Variants in KCTD5 observed in about 807,000 individuals in gnomAD.
The protein encoded by KCTD5 is BTB/POZ domain-containing protein KCTD5.
A neutral mutation model predicts 27.9 loss-of-function variants in KCTD5; 12 were observed. The observed-to-expected ratio is 0.43, with a 90% CI of 0.28 to 0.70. The LOEUF (loss-of-function observed/expected upper bound fraction) is 0.70, where lower values mean the gene tolerates loss of function less well. KCTD5 is among the 30% of genes least tolerant of loss of function. The pLI is 0.19. For missense variants in KCTD5, 226 were observed against 274.8 expected, an observed-to-expected ratio of 0.82 and a Z score of 1.26; for synonymous variants, 147 against 121.4, an observed-to-expected ratio of 1.21 and a Z score of -1.39.
Position 2,697,953 on chromosome 16 carries a change from C to G in KCTD5, c.409C>G (p.Leu137Val). The stretch of plus-strand genomic sequence containing the variant: ...TTACAATATCACCTCATTAATAAAA[C>G]TTGTAAAGGACAAAATTAGAGAACG... ...EFYNITSLIK[L>V]VKDKIRERDS... The change falls in exon 3 of 6, where the codon CTT becomes GTT. Residue 137 changes from leucine to valine, a missense_variant. Around this residue, in one of 2 missense-constraint regions of KCTD5, gnomAD observed 135 missense variants for 207.0 expected, o/e 0.65. Coordinates refer to ENST00000301738, the MANE Select transcript of KCTD5 (RefSeq NM_018992.4). 6.2e-7 allele frequency: 1 copy of G among 1,612,052 alleles called. No homozygotes were observed. Among genetic ancestry groups the G allele is most frequent in the South Asian group, 1.1e-5 (1 of 91,028 alleles).
chr16:2,706,102 C>T (rs750068797), intron 5 of KCTD5, among the ~76,000 whole-genome samples: 7 of 152,190 alleles, frequency 4.6e-5, no homozygotes, highest in African/African-American at 7.2e-5. Context: ...TGGGCTCCTC[C>T]GAGGCACTGG....
Position 2,708,789 on chromosome 16 carries a change from G to A in KCTD5, c.*1462G>A, listed in dbSNP as rs1175042417. 1 of 152,164 alleles carries A rather than the reference G, an allele frequency of 6.6e-6. No homozygotes were observed. Among genetic ancestry groups the A allele is most frequent in the Non-Finnish European group, 1.5e-5 (1 of 68,026 alleles). 9.4% of individuals were successfully genotyped at this position (152,164 alleles called of 1,614,324 possible). Reference sequence around the variant, plus strand: ...GAGCCTGGGAGGAAGGCGGCCGCTGGGGCTCCTGGGCATCCTCTCTGGGGA... The same window carrying A: ...GAGCCTGGGAGGAAGGCGGCCGCTGAGGCTCCTGGGCATCCTCTCTGGGGA... On this transcript the variant is annotated 3_prime_UTR_variant, in exon 6 of 6. Coordinates refer to ENST00000301738, the MANE Select transcript of KCTD5 (RefSeq NM_018992.4).
chr16:2,689,634 G>A (rs1220699861), intron 1 of KCTD5, among the ~76,000 whole-genome samples: 2 of 151,240 alleles, frequency 1.3e-5, no homozygotes, highest in South Asian at 4.2e-4. Flanking sequence ...AGAATCTGGC[G>A]TGAGAGCCTG....
At chr16:2,698,698 T>C (rs3112726) in intron 3 of KCTD5, among the ~76,000 whole-genome samples, 68,933 of 151,128 alleles carry the variant, frequency 0.46, 16,762 homozygotes, top group Middle Eastern at 0.56. Context: ...CGTAGAGCCC[T>C]GGGCCCTGTG....
chr16:2,702,993 C>T (rs2067619505), intron 5 of KCTD5, among the ~76,000 whole-genome samples: 1 of 144,778 alleles, frequency 6.9e-6, no homozygotes, highest in South Asian at 2.1e-4. Flanking sequence ...GTCCTGCAGG[C>T]CCTGGGATTC....
At chr16:2,702,135 AG>A (rs1181384015) in intron 4 of KCTD5, among the ~76,000 whole-genome samples, 4 of 152,176 alleles carry the variant, frequency 2.6e-5, no homozygotes, top group Admixed American at 1.3e-4. Flanking sequence ...GGGTCCTCAC[AG>A]AGGAAGAGCT....
intron 1 of KCTD5, among the ~76,000 whole-genome samples, chr16:2,688,237 ATATATATATT>A (rs200090619): frequency 0.14 from 17,025 of 120,520 alleles, 1,228 homozygotes; most frequent in Middle Eastern, 0.23. Flanking sequence ...AAATATATAT[ATATATATATT>A]TATTTATTTA....
chr16:2,688,283 CTCT>C (rs1432446404), intron 1 of KCTD5, among the ~76,000 whole-genome samples: 1 of 149,970 alleles, frequency 6.7e-6, no homozygotes, highest in Non-Finnish European at 1.5e-5. Context: ...CGGAGTCTTG[CTCT>C]GTCCCCCAGG....
chr16:2,684,277 C>A (rs1436204235), intron 1 of KCTD5: 1 of 152,070 alleles, frequency 6.6e-6, no homozygotes, highest in African/African-American at 2.4e-5. Flanking sequence ...CACTGGAGCA[C>A]TTGATTCCCA....
At chr16:2,690,730 G>C (rs533085846) in intron 1 of KCTD5, among the ~76,000 whole-genome samples, 2 of 152,364 alleles carry the variant, frequency 1.3e-5, no homozygotes, top group South Asian at 4.1e-4. Flanking sequence ...GTGTCATGGG[G>C]GCTTGGGCAG....
chr16:2,697,704 C>A (rs1216336308), intron 2 of KCTD5, among the ~76,000 whole-genome samples: 1 of 152,242 alleles, frequency 6.6e-6, no homozygotes, highest in Non-Finnish European at 1.5e-5. Flanking sequence ...CTCACCACGG[C>A]CCCTCCGCCC....
chr16:2,699,766 A>T, intron 3 of KCTD5, 55 bp from the exon 4 acceptor site: 1 of 1,533,738 alleles, frequency 6.5e-7, no homozygotes, highest in East Asian at 2.3e-5. Flanking sequence ...CTGGGGCCAC[A>T]GGCAGCAGTG....
At chr16:2,699,679 T>G (rs2142057477) in intron 3 of KCTD5, 142 bp from the exon 4 acceptor site, 1 of 645,952 alleles carries the variant, frequency 1.5e-6, no homozygotes, top group South Asian at 1.9e-5. Context: ...TTTGTGGATG[T>G]GCTCAGGATT....
rs1463615757 is a variant in KCTD5 at position 2,708,484 on chromosome 16, A to T, written c.*1157A>T. Reference sequence around the variant, plus strand: ...GGACTCGGCGTGCAGGGCGGGCTCCAAGCGCTTTGCTTCCGGAACTCCGGC... The same window carrying T: ...GGACTCGGCGTGCAGGGCGGGCTCCTAGCGCTTTGCTTCCGGAACTCCGGC... On this transcript the variant is annotated 3_prime_UTR_variant, in exon 6 of 6. Transcript: ENST00000301738. The T allele has an allele frequency of 6.6e-6, 1 of 152,386 alleles. No individual in the cohort carries two copies. The highest frequency in any genetic ancestry group is 1.9e-4 in the East Asian group (1 of 5,196). 9.4% of individuals were successfully genotyped at this position (152,386 alleles called of 1,614,324 possible).
intron 1 of KCTD5, among the ~76,000 whole-genome samples, chr16:2,692,453 C>T (rs2067570807): frequency 6.6e-6 from 1 of 152,184 alleles, no homozygotes; most frequent in African/African-American, 2.4e-5. Flanking sequence ...TGGCTCCTCT[C>T]CATTGACTTC....
chr16:2,690,435 C>T (rs959830494), intron 1 of KCTD5, among the ~76,000 whole-genome samples: 5 of 152,198 alleles, frequency 3.3e-5, no homozygotes, highest in African/African-American at 1.2e-4. Context: ...AGCTTGGGCC[C>T]GGCCACAAGT....
rs879821578 is a variant in KCTD5 at position 2,698,593 on chromosome 16, G to A, written c.453+596G>A. 4.3e-5 allele frequency among the ~76,000 whole-genome samples: 5 copies of A among 117,164 alleles called. No homozygotes were observed. In the East Asian group the frequency reaches 1.2e-3, roughly 28 times the overall value. 76.9% of individuals were successfully genotyped at this position (117,164 alleles called of 152,430 possible). On this transcript the variant is annotated intron_variant, in intron 3 of 5. Coordinates refer to ENST00000301738, the MANE Select transcript of KCTD5 (RefSeq NM_018992.4). ...AGTCCCGTCCCTGAGAGCTGAGCCC[G>A]CCCCCCCCACCCAAGCTCAGCTCCC...
Position 2,686,883 on chromosome 16 carries a change from A to T in KCTD5, c.252+4083A>T, listed in dbSNP as rs368940704. 3.0e-3 allele frequency among the ~76,000 whole-genome samples: 451 copies of T among 152,202 alleles called. 5 individuals carry two copies. The highest frequency in any genetic ancestry group is 0.01 in the African/African-American group (427 of 41,504). On this transcript the variant is annotated intron_variant, in intron 1 of 5. Transcript: ENST00000301738. ...GAGAAGTGGGGATCACGTCTAGTGG[A>T]GATGGCAGATGATGTTCTGTGTAGC...
chr16:2,699,445 C>T, intron 3 of KCTD5: 1 of 359,514 alleles, frequency 2.8e-6, no homozygotes, highest in South Asian at 2.1e-5. Flanking sequence ...CACTGGCTCT[C>T]AGGGCCCTGC....
Sources: allele counts gnomAD v4.1 joint callset (sites outside exome capture counted in the v4.1 genomes callset), GRCh38; gene constraint gnomAD v4.1.1; regional missense constraint gnomAD v4.1.1; transcripts MANE v1.5; gene names NCBI Gene and HGNC (gene_info 2026-07-23, HGNC 2026-07-21).